Variants in UGT1A5 observed in about 807,000 individuals in gnomAD.
UGT1A5 encodes the protein UDP glucuronosyltransferase family 1 member A5.
In UGT1A5, 29 loss-of-function variants were observed where a neutral mutation model predicts 40.3. The observed-to-expected ratio is 0.72, with a 90% CI of 0.54 to 0.98. The LOEUF (loss-of-function observed/expected upper bound fraction) is 0.98. Among genes scored for constraint, UGT1A5 ranks in the 50% least tolerant of loss-of-function variants. The probability of loss-of-function intolerance (pLI) is 0.00; values close to 1 mark genes in which losing one functional copy is unlikely to be tolerated. For synonymous variants in UGT1A5, 257 were observed against 262.5 expected, an observed-to-expected ratio of 0.98 and a Z score of 0.20; for missense variants, 678 against 677.9, an observed-to-expected ratio of 1.00 and a Z score of 0.00.
At chr2:233,758,820 C>T (rs1028156613) in intron 1 of UGT1A5, among the ~76,000 whole-genome samples, 2 of 152,084 alleles carry the variant, frequency 1.3e-5, no homozygotes, top group African/African-American at 4.8e-5. Context: ...GCAGTATATC[C>T]CCCCCAAAAA....
At chr2:233,714,096 G>A (rs17862870) in intron 1 of UGT1A5, among the ~76,000 whole-genome samples, 15,413 of 152,100 alleles carry the variant, frequency 0.1, 898 homozygotes, top group East Asian at 0.2. Context: ...CAAAGGATGG[G>A]CAAGAGTGGT....
At chr2:233,770,387 C>CT (rs1226328342) in intron 4 of UGT1A5, 1 of 152,208 alleles carries the variant, frequency 6.6e-6, no homozygotes, top group Non-Finnish European at 1.5e-5. Flanking sequence ...GGTACGGTGG[C>CT]TCATGCCTGT....
chr2:233,769,513 C>T lies in UGT1A5; in HGVS notation c.1307+1074C>T, dbSNP rs1575843812. ...TATGAGAGTGTCCATTGCTTTCTCC[C>T]ATGGTTACCTCCTTTAGAAAGAAGC... On this transcript the variant is annotated intron_variant, in intron 4 of 4. Coordinates refer to ENST00000373414, the MANE Select transcript of UGT1A5 (RefSeq NM_019078.2). This position sits in a 1 kb window ranked among gnomAD's most constrained non-coding sequence, Gnocchi z 4.4. 6.2e-7 allele frequency: 1 copy of T among 1,612,680 alleles called. No homozygotes were observed. The highest frequency in any genetic ancestry group is 8.5e-7 in the Non-Finnish European group (1 of 1,179,866).
rs28900404 is a variant in UGT1A5, at chr2:233,769,354, G to A, written c.1307+915G>A. ...TTATTAGAACCTTATGGGAAGAAGT[G>A]GTGGCCAGTGGTAGATTTCATCCGA... On this transcript the variant is annotated intron_variant, in intron 4 of 4. Transcript: ENST00000373414. This position sits in a 1 kb window ranked among gnomAD's most constrained non-coding sequence, Gnocchi z 4.4. Among the ~76,000 whole-genome samples the A allele has an allele frequency of 7.2e-4, 110 of 152,348 alleles. No individual in the cohort carries two copies. The highest frequency in any genetic ancestry group is 2.6e-3 in the African/African-American group (108 of 41,580).
chr2:233,764,332 A>G (rs1422714629), intron 1 of UGT1A5, among the ~76,000 whole-genome samples: 2 of 152,124 alleles, frequency 1.3e-5, no homozygotes, highest in Non-Finnish European at 2.9e-5. Flanking sequence ...CAAGTAGGGG[A>G]TGGACTTCAC....
chr2:233,728,515 A>G (rs2077723500), intron 1 of UGT1A5, among the ~76,000 whole-genome samples: 5 of 152,152 alleles, frequency 3.3e-5, no homozygotes, highest in Admixed American at 2.6e-4. Context: ...AGCTTTTTCT[A>G]TATTGACAGC....
rs767800703 is a variant in UGT1A5 at position 233,760,482 on chromosome 2, G to A, written c.868-6552G>A. 9.3e-6 allele frequency: 15 copies of A among 1,614,120 alleles called. No homozygotes were observed. The highest frequency in any genetic ancestry group is 4.0e-5 in the African/African-American group (3 of 74,938). ...TAGTTGTCCTAGCACCTGACGCCTC[G>A]TTGTACATCAGAGACGGAGCATTTT... is the stretch of plus-strand genomic sequence containing the variant. On this transcript the variant is annotated intron_variant, in intron 1 of 4. Transcript: ENST00000373414.
Position 233,719,515 on chromosome 2 carries a change from C to A in UGT1A5, c.867+5657C>A, listed in dbSNP as rs764297894. The A allele has an allele frequency of 1.9e-6, 3 of 1,613,962 alleles. No individual in the cohort carries two copies. In the Admixed American group the frequency reaches 5.0e-5, roughly 27 times the overall value. On this transcript the variant is annotated intron_variant, in intron 1 of 4. Coordinates refer to ENST00000373414, the MANE Select transcript of UGT1A5 (RefSeq NM_019078.2). ...TGCCATACTTTTTCTGCCCCTTATG[C>A]AAGTCTTGCCTCTGAGCTTTTTCAG...
At chr2:233,748,299 A>G (rs891574049) in intron 1 of UGT1A5, among the ~76,000 whole-genome samples, 4 of 151,748 alleles carry the variant, frequency 2.6e-5, no homozygotes, top group African/African-American at 9.7e-5. Flanking sequence ...ATGAATGTTT[A>G]TCAAAGGATG....
chr2:233,725,246 AGAG>A (rs1452958185), intron 1 of UGT1A5, among the ~76,000 whole-genome samples: 3 of 47,660 alleles, frequency 6.3e-5, no homozygotes, highest in African/African-American at 3.5e-4. Flanking sequence ...AGGCAGAGGC[AGAG>A]GAGGCAGAGG....
At chr2:233,766,252 C>T (rs1204251588) in intron 1 of UGT1A5, among the ~76,000 whole-genome samples, 7 of 151,626 alleles carry the variant, frequency 4.6e-5, no homozygotes, top group South Asian at 2.1e-4. Flanking sequence ...GGAGTCAGAC[C>T]GCTCAGTGGC....
At chr2:233,754,205 G>A (rs935702131) in intron 1 of UGT1A5, 1 of 163,140 alleles carries the variant, frequency 6.1e-6, no homozygotes, top group African/African-American at 2.4e-5. Context: ...AAACATTGAA[G>A]TCAAATGATT....
chr2:233,762,695 CT>C lies in UGT1A5; in HGVS notation c.868-4335del, dbSNP rs571184142. Among the ~76,000 whole-genome samples, 40 of 148,314 alleles carry C rather than the reference CT, an allele frequency of 2.7e-4. No individual in the cohort carries two copies. The South Asian group carries it at 8.3e-3, about 31-fold the overall frequency. ...TTTGTTCTGTTTCTTTCTCATTCAT[CT>C]TTTCTTAAGTATTTTACACGGTTTT... On this transcript the variant is annotated intron_variant, in intron 1 of 4. Coordinates refer to ENST00000373414, the MANE Select transcript of UGT1A5 (RefSeq NM_019078.2).
At chr2:233,748,739 G>A (rs572551381) in intron 1 of UGT1A5, among the ~76,000 whole-genome samples, 1 of 151,736 alleles carries the variant, frequency 6.6e-6, no homozygotes, top group Admixed American at 6.5e-5. Flanking sequence ...ACATCTCAGA[G>A]TTCGGAAGGC....
At chr2:233,743,546 C>A (rs1478983840) in intron 1 of UGT1A5, 1 of 1,367,310 alleles carries the variant, frequency 7.3e-7, no homozygotes, top group African/African-American at 1.5e-5. Context: ...CTCTGACCCC[C>A]CCAAAATATT....
In UGT1A5 at chr2:233,767,859, G is replaced by C. The variant is rs750453538; in HGVS notation, c.1010G>C (p.Arg337Pro). ...LGKIPQTVLWRYTGTRPSNLA... is the reference protein window; with the variant it reads ...LGKIPQTVLWPYTGTRPSNLA... Reference sequence around the variant, plus strand: ...TTTTGCCCCTCCCAGGTCCTGTGGCGGTACACTGGAACCCGACCATCGAAT... The same window carrying C: ...TTTTGCCCCTCCCAGGTCCTGTGGCCGTACACTGGAACCCGACCATCGAAT... Residue 337 changes from arginine to proline, a missense_variant, in exon 3 of 5, where the codon CGG becomes CCG. Physicochemically the swap from Arg to Pro is moderately radical, Grantham distance 103 (BLOSUM62 -2). Transcript: ENST00000373414. 6.2e-7 allele frequency: 1 copy of C among 1,613,938 alleles called. No individual in the cohort carries two copies. The highest frequency in any genetic ancestry group is 1.3e-5 in the African/African-American group (1 of 74,850).
At chr2:233,747,842 G>C in intron 1 of UGT1A5, 1 of 1,613,390 alleles carries the variant, frequency 6.2e-7, no homozygotes, top group Non-Finnish European at 8.5e-7. Context: ...TCCTGCAAAG[G>C]GTCAAGAACA....
rs3213726 is a variant in UGT1A5, at chr2:233,766,877, C to A, written c.868-157C>A. ...GAAGGAAGTAAAGGAGAGGAAAATG[C>A]TGTAAAACTTACATATTAATAATTT... On this transcript the variant is annotated intron_variant, in intron 1 of 4. Coordinates refer to ENST00000373414, the MANE Select transcript of UGT1A5 (RefSeq NM_019078.2). Among the ~76,000 whole-genome samples, 50 of 152,336 alleles carry A rather than the reference C, an allele frequency of 3.3e-4. No homozygotes were observed. The East Asian group carries it at 9.2e-3, about 28-fold the overall frequency.
At chr2:233,723,995 T>G (rs1311992606) in intron 1 of UGT1A5, among the ~76,000 whole-genome samples, 3 of 71,382 alleles carry the variant, frequency 4.2e-5, no homozygotes, top group Admixed American at 3.7e-4. Flanking sequence ...CGCCTTTCTA[T>G]TCCACAAAGC....
Sources: allele counts gnomAD v4.1 joint callset (sites outside exome capture counted in the v4.1 genomes callset), GRCh38; gene constraint gnomAD v4.1.1; non-coding constraint Gnocchi (gnomAD v3.1); transcripts MANE v1.5; gene names NCBI Gene and HGNC (gene_info 2026-07-23, HGNC 2026-07-21).